N4BP2: variants seen among roughly 807,000 people sequenced by gnomAD.
N4BP2 encodes the protein NEDD4 binding protein 2, also known as NEDD4-binding protein 2.
N4BP2 carries 91 observed loss-of-function variants against 152.8 expected under a neutral mutation model. That is an observed-to-expected ratio of 0.60 (90% CI 0.50 to 0.71). The LOEUF is 0.71. Among genes scored for constraint, N4BP2 ranks in the 30% least tolerant of loss-of-function variants. The pLI, the probability that N4BP2 is intolerant of heterozygous loss-of-function variation, is 0.00. For synonymous variants in N4BP2, 646 were observed against 705.3 expected (o/e 0.92, Z 1.33); for missense variants, 1,923 against 2,059.1 (o/e 0.93, Z 1.28).
At chr4:40,127,686 A>T (rs967139895) in intron 12 of N4BP2, among the ~76,000 whole-genome samples, 3 of 148,498 alleles carry the variant, frequency 2.0e-5, no homozygotes, top group African/African-American at 7.4e-5. Context: ...TTTGAGATGG[A>T]GTCTCGCTCT....
chr4:40,058,243 ACT>A (rs1289728956), intron 1 of N4BP2, among the ~76,000 whole-genome samples: 7 of 152,142 alleles, frequency 4.6e-5, no homozygotes, highest in Non-Finnish European at 1.0e-4. Context: ...ACTCGTTTTA[ACT>A]CTCATCCTTT....
At chr4:40,085,973 GT>G (rs1019964674) in intron 2 of N4BP2, among the ~76,000 whole-genome samples, 1 of 148,654 alleles carries the variant, frequency 6.7e-6, no homozygotes, top group Non-Finnish European at 1.5e-5. Flanking sequence ...TTTGTTTTTT[GT>G]TTTTTTTTGA....
chr4:40,126,789 G>A (rs1560623005), intron 12 of N4BP2, among the ~76,000 whole-genome samples: 1 of 151,982 alleles, frequency 6.6e-6, no homozygotes, highest in Admixed American at 6.6e-5. Context: ...ATGGAGTCTC[G>A]CTCTGTTGCC....
intron 7 of N4BP2, among the ~76,000 whole-genome samples, chr4:40,116,670 T>C (rs751427492): frequency 6.6e-6 from 1 of 152,226 alleles, no homozygotes; most frequent in Non-Finnish European, 1.5e-5. Flanking sequence ...TATTGCTTTC[T>C]GCTTCATTTT....
chr4:40,135,708 G>A (rs1209896031), intron 13 of N4BP2, among the ~76,000 whole-genome samples: 4 of 152,068 alleles, frequency 2.6e-5, no homozygotes, highest in South Asian at 2.1e-4. Flanking sequence ...GATTACAGGC[G>A]CCCGCCACCA....
At chr4:40,161,000 C>G (rs766185721), downstream of N4BP2, among the ~76,000 whole-genome samples, 4 of 152,100 alleles carry the variant, frequency 2.6e-5, no homozygotes, top group Non-Finnish European at 5.9e-5. Context: ...CTTCCCACCC[C>G]CAGAAGGACT....
intron 4 of N4BP2, among the ~76,000 whole-genome samples, chr4:40,104,800 G>A (rs1241288777): frequency 6.7e-6 from 1 of 149,480 alleles, no homozygotes; most frequent in Non-Finnish European, 1.5e-5. Context: ...CATAGAACCT[G>A]CGTTGTCTTT....
chr4:40,076,855 TCA>T (rs991531076), intron 2 of N4BP2, among the ~76,000 whole-genome samples: 4 of 152,190 alleles, frequency 2.6e-5, no homozygotes, highest in African/African-American at 9.6e-5. Context: ...CTTTTTCTTA[TCA>T]CAGTAGTATT....
At chr4:40,130,773 T>C (rs1370962356) in intron 12 of N4BP2, among the ~76,000 whole-genome samples, 2 of 152,228 alleles carry the variant, frequency 1.3e-5, no homozygotes, top group Admixed American at 1.3e-4. Context: ...AATTTTTAAA[T>C]TTAGGAATTT....
intron 1 of N4BP2, among the ~76,000 whole-genome samples, chr4:40,066,506 G>C (rs1711536989): frequency 1.3e-5 from 2 of 151,662 alleles, no homozygotes; most frequent in Admixed American, 6.6e-5. Context: ...TTTTATTAGA[G>C]ATGAGGTTAC....
chr4:40,110,561 T>C (rs1340517025), intron 5 of N4BP2, among the ~76,000 whole-genome samples: 1 of 152,160 alleles, frequency 6.6e-6, no homozygotes, highest in East Asian at 1.9e-4. Context: ...AAATGTCTAT[T>C]CATATTTGCT....
chr4:40,178,092 G>A, the N4BP2 span, among the ~76,000 whole-genome samples: 3 of 151,340 alleles, frequency 2.0e-5, no homozygotes, highest in Admixed American at 6.6e-5. Flanking sequence ...CCCAGGAGGC[G>A]GAGGTTGCAG....
At position 40,067,753 on chromosome 4, in the gene N4BP2, C is replaced by T. The variant is rs1711685450; in HGVS notation, c.-211-5702C>T. ...TCACTCCGTCACCCAGGGTGGAGTA[C>T]AGTGGCATGATGTTGGCTCACTGTA... On this transcript the variant is annotated intron_variant, in intron 1 of 17. Coordinates refer to ENST00000261435, the MANE Select transcript of N4BP2 (RefSeq NM_018177.6). Among the ~76,000 whole-genome samples the T allele has an allele frequency of 2.0e-5, 3 of 151,960 alleles. No individual in the cohort carries two copies. In the South Asian group the frequency reaches 6.2e-4, roughly 32 times the overall value.
intron 16 of N4BP2, among the ~76,000 whole-genome samples, chr4:40,148,293 A>T (rs1720796426): frequency 6.6e-6 from 1 of 152,242 alleles, no homozygotes; most frequent in Non-Finnish European, 1.5e-5. Flanking sequence ...CACCAAAAAA[A>T]TAAGAAAACC....
intron 2 of N4BP2, 39 bp from the exon 3 acceptor site, chr4:40,097,188 A>G (rs1328094367): frequency 1.6e-6 from 1 of 610,682 alleles, no homozygotes; most frequent in South Asian, 2.1e-5. Context: ...AAATGGAAAT[A>G]TATATAGTCT....
In N4BP2 at chr4:40,070,360, G is replaced by T. The variant is rs182106358; in HGVS notation, c.-211-3095G>T. On this transcript the variant is annotated intron_variant, in intron 1 of 17. Coordinates refer to ENST00000261435, the MANE Select transcript of N4BP2 (RefSeq NM_018177.6). The stretch of plus-strand genomic sequence containing the variant: ...AAGAAGACGTATATCTTCAGATCTC[G>T]CCAAGGAAAAGGAGGACATTCTCCC... Among the ~76,000 whole-genome samples, 18 of 152,130 alleles carry T rather than the reference G, an allele frequency of 1.2e-4. 1 individual carries two copies. In the East Asian group the frequency reaches 3.5e-3, roughly 29 times the overall value.
At chr4:40,073,849 A>G (rs1462832215) in intron 2 of N4BP2, among the ~76,000 whole-genome samples, 1 of 151,434 alleles carries the variant, frequency 6.6e-6, no homozygotes, top group African/African-American at 2.4e-5. Flanking sequence ...CTGTAGTGCA[A>G]TGGCATGATC....
chr4:40,168,448 G>A, the N4BP2 span, among the ~76,000 whole-genome samples: 1 of 152,066 alleles, frequency 6.6e-6, no homozygotes, highest in East Asian at 1.9e-4. Flanking sequence ...GGTGGGACAA[G>A]CTATTAATGA....
Position 40,107,015 on chromosome 4 carries a change from C to G in N4BP2, c.1489C>G (p.Gln497Glu). ...KYLGEAHEWN[Q>E]NRAKEAFEKK... ...CTTAGGAGAAGCACATGAATGGAAC[C>G]AGAATCGTGGTAAGAACAGATAATC... is the stretch of plus-strand genomic sequence containing the variant. Residue 497 changes from glutamine to glutamate, a missense_variant, in exon 5 of 18, where the codon CAG (glutamine) becomes GAG (glutamate). Gln to Glu is a conservative substitution (Grantham distance 29, BLOSUM62 2). Coordinates refer to ENST00000261435, the MANE Select transcript of N4BP2 (RefSeq NM_018177.6). 3.1e-6 allele frequency: 5 copies of G among 1,613,114 alleles called. No individual in the cohort carries two copies. The highest frequency in any genetic ancestry group is 4.2e-6 in the Non-Finnish European group (5 of 1,179,616).
Sources: allele counts gnomAD v4.1 joint callset (sites outside exome capture counted in the v4.1 genomes callset), GRCh38; gene constraint gnomAD v4.1.1; transcripts MANE v1.5; gene names NCBI Gene and HGNC (gene_info 2026-07-23, HGNC 2026-07-21).